The following LDB2 variants were observed in gnomAD, a reference collection of about 807,000 sequenced individuals.
LDB2 encodes LIM domain binding 2, also known as LIM domain-binding protein 2.
LDB2 carries 12 observed loss-of-function variants against 44.3 expected under a neutral mutation model. The observed-to-expected ratio is 0.27, with a 90% CI of 0.17 to 0.44. The LOEUF is 0.44. Among genes scored for constraint, LDB2 ranks in the 20% least tolerant of loss-of-function variants. The probability of loss-of-function intolerance (pLI) is 1.00; values close to 1 mark genes in which losing one functional copy is unlikely to be tolerated. For missense variants in LDB2, 344 were observed against 473.5 expected (o/e 0.73, Z 2.54); for synonymous variants, 164 against 174.8 (o/e 0.94, Z 0.49).
chr4:16,843,046 T>C (rs1201721037), intron 1 of LDB2, among the ~76,000 whole-genome samples: 1 of 152,242 alleles, frequency 6.6e-6, no homozygotes, highest in Non-Finnish European at 1.5e-5. Context: ...GCCATTTTTT[T>C]TGTACTTTTT....
intron 1 of LDB2, among the ~76,000 whole-genome samples, chr4:16,759,964 A>T (rs575945968): frequency 3.3e-5 from 5 of 152,358 alleles, no homozygotes; most frequent in Middle Eastern, 3.4e-3. Flanking sequence ...CTGCTCATGC[A>T]GAAAACACTT....
In LDB2 at chr4:16,543,580, A is replaced by G. The variant is rs191844033; in HGVS notation, c.616-31476T>C. On this transcript the variant is annotated intron_variant, in intron 5 of 7. Coordinates refer to ENST00000304523, the MANE Select transcript of LDB2 (RefSeq NM_001290.5). ...GCTGCATAAATGTCTTCTTTTGAGAAGTGTCTGTTCATATCCTTGTAGAAA... is the reference window on the plus strand; with the variant it reads ...GCTGCATAAATGTCTTCTTTTGAGAGGTGTCTGTTCATATCCTTGTAGAAA... 2.2e-3 allele frequency among the ~76,000 whole-genome samples: 341 copies of G among 152,328 alleles called. 3 individuals are homozygous for G. Among genetic ancestry groups the G allele is most frequent in the Middle Eastern group, 0.01 (3 of 294 alleles).
intron 2 of LDB2, among the ~76,000 whole-genome samples, chr4:16,616,540 A>G (rs1446587467): frequency 1.3e-5 from 2 of 151,990 alleles, no homozygotes; most frequent in African/African-American, 2.4e-5. Flanking sequence ...GAGAGTGAGG[A>G]GATGGAAACA....
At chr4:16,859,683 T>C (rs566664968) in intron 1 of LDB2, among the ~76,000 whole-genome samples, 11 of 152,176 alleles carry the variant, frequency 7.2e-5, no homozygotes, top group Non-Finnish European at 1.5e-4. Flanking sequence ...ATCTTTGTTT[T>C]ATTGTAAATA....
At chr4:16,834,702 G>A (rs1019146035) in intron 1 of LDB2, among the ~76,000 whole-genome samples, 10 of 152,080 alleles carry the variant, frequency 6.6e-5, no homozygotes, top group East Asian at 1.9e-4. Flanking sequence ...TGGTGTGTGC[G>A]TGTAATCCCC....
intron 1 of LDB2, among the ~76,000 whole-genome samples, chr4:16,806,155 C>T (rs538494470): frequency 6.6e-6 from 1 of 152,262 alleles, no homozygotes; most frequent in South Asian, 2.1e-4. Context: ...TTCCAGGTAC[C>T]AACTGATGGC....
chr4:16,517,721 C>T (rs1324239687), intron 5 of LDB2, among the ~76,000 whole-genome samples: 1 of 152,220 alleles, frequency 6.6e-6, no homozygotes, highest in East Asian at 1.9e-4. Flanking sequence ...ATTGTTCATC[C>T]TGGCAAAGTT....
At chr4:16,727,353 A>G (rs1759730658) in intron 2 of LDB2, among the ~76,000 whole-genome samples, 2 of 152,330 alleles carry the variant, frequency 1.3e-5, no homozygotes, top group South Asian at 4.1e-4. Context: ...GGGATGATAA[A>G]AAGCAGAGGT....
At chr4:16,801,441 G>A (rs2109751285) in intron 1 of LDB2, among the ~76,000 whole-genome samples, 1 of 152,234 alleles carries the variant, frequency 6.6e-6, no homozygotes, top group Middle Eastern at 3.4e-3. Context: ...AAGTATAATA[G>A]GACCACTTAT....
At position 16,662,479 on chromosome 4, in the gene LDB2, C is replaced by A. The variant is rs145782115; in HGVS notation, c.236-66604G>T. On this transcript the variant is annotated intron_variant, in intron 2 of 7. Transcript: ENST00000304523. Reference sequence around the variant, plus strand: ...TAATATTTGGTAAAAATATATCATCCAATCATAACAAACAGTGAGGAAGAT... The same window carrying A: ...TAATATTTGGTAAAAATATATCATCAAATCATAACAAACAGTGAGGAAGAT... Among the ~76,000 whole-genome samples the A allele has an allele frequency of 3.2e-3, 494 of 152,264 alleles. 3 individuals carry two copies. Among genetic ancestry groups the A allele is most frequent in the African/African-American group, 0.012 (478 of 41,536 alleles).
chr4:16,710,167 TA>T (rs1315115120), intron 2 of LDB2, among the ~76,000 whole-genome samples: 1 of 152,202 alleles, frequency 6.6e-6, no homozygotes, highest in East Asian at 1.9e-4. Context: ...GAATAGTTTT[TA>T]AAAATATTTC....
rs111361715 is a variant in LDB2 at position 16,646,634 on chromosome 4, C to T, written c.236-50759G>A. ...AAGCCCTACCAATCCTAGCAGGGAC[C>T]GGCGGAGTTACAGCTGACTTGCAGA... is the stretch of plus-strand genomic sequence containing the variant. On this transcript the variant is annotated intron_variant, in intron 2 of 7. Coordinates refer to ENST00000304523, the MANE Select transcript of LDB2 (RefSeq NM_001290.5). Among the ~76,000 whole-genome samples the T allele has an allele frequency of 8.6e-3, 1,302 of 152,222 alleles. 17 individuals are homozygous for T. The highest frequency in any genetic ancestry group is 0.03 in the African/African-American group (1,242 of 41,512).
At chr4:16,681,578 T>G (rs974618632) in intron 2 of LDB2, among the ~76,000 whole-genome samples, 1 of 152,036 alleles carries the variant, frequency 6.6e-6, no homozygotes, top group Non-Finnish European at 1.5e-5. Flanking sequence ...TTCAATCATT[T>G]TGTTGTAGGA....
At chr4:16,507,427 A>T (rs1242336814) in intron 7 of LDB2, among the ~76,000 whole-genome samples, 1 of 152,102 alleles carries the variant, frequency 6.6e-6, no homozygotes, top group Non-Finnish European at 1.5e-5. Flanking sequence ...GATGTGAAAG[A>T]CACACTTGGA....
At chr4:16,560,137 T>C (rs1046865459) in intron 5 of LDB2, among the ~76,000 whole-genome samples, 30 of 152,062 alleles carry the variant, frequency 2.0e-4, no homozygotes, top group African/African-American at 7.2e-4. Flanking sequence ...ATTGACACCC[T>C]AAAGTCACAA....
In LDB2 at chr4:16,512,083, T is replaced by A; in HGVS notation, c.637A>T (p.Met213Leu). The A allele has an allele frequency of 1.2e-6, 2 of 1,613,082 alleles. No individual in the cohort carries two copies. The highest frequency in any genetic ancestry group is 1.7e-6 in the Non-Finnish European group (2 of 1,179,406). Residue 213 changes from methionine (M) to leucine (L), a missense_variant, in exon 6 of 8, where the codon ATG (methionine) becomes TTG (leucine). By Grantham distance (15) the Met-to-Leu change is conservative (BLOSUM62 2). Transcript: ENST00000304523. ...TTATGTCTCGACATCAGTTCCTGCATTGGCTCCAATATTACACACAACTGC... is the reference window on the plus strand; with the variant it reads ...TTATGTCTCGACATCAGTTCCTGCAATGGCTCCAATATTACACACAACTGC... The part of the protein sequence containing the change: ...YLRLCVILEP[M>L]QELMSRHKTY...
At chr4:16,853,178 C>G (rs1350981353) in intron 1 of LDB2, among the ~76,000 whole-genome samples, 1 of 151,968 alleles carries the variant, frequency 6.6e-6, no homozygotes, top group African/African-American at 2.4e-5. Flanking sequence ...ATTACTAAAT[C>G]AACAAAATGA....
intron 4 of LDB2, among the ~76,000 whole-genome samples, chr4:16,586,695 T>A (rs1238049390): frequency 6.6e-6 from 1 of 152,144 alleles, no homozygotes; most frequent in African/African-American, 2.4e-5. Flanking sequence ...AGAAGGGATA[T>A]AAAGTACCAT....
chr4:16,625,615 G>A (rs1052281073), intron 2 of LDB2, among the ~76,000 whole-genome samples: 1 of 152,122 alleles, frequency 6.6e-6, no homozygotes, highest in Non-Finnish European at 1.5e-5. Flanking sequence ...TCTCAACTGC[G>A]AAAAACACAA....
Sources: gnomAD v4.1 joint callset for allele counts (sites outside exome capture counted in the v4.1 genomes callset) on GRCh38, gnomAD v4.1.1 for gene constraint, MANE v1.5 for transcripts, NCBI Gene and HGNC (gene_info 2026-07-23, HGNC 2026-07-21) for gene names.